The following RBM33 variants were observed in gnomAD, a reference collection of about 807,000 sequenced individuals.
RBM33 encodes the protein RNA-binding protein 33.
RBM33 carries 28 observed loss-of-function variants against 132.6 expected under a neutral mutation model. The observed-to-expected ratio is 0.21, with a 90% confidence interval of 0.16 to 0.29. The LOEUF (loss-of-function observed/expected upper bound fraction) is 0.29, where lower values mean the gene tolerates loss of function less well. RBM33 is among the 10% of genes least tolerant of loss of function. The probability of loss-of-function intolerance (pLI) is 1.00; values close to 1 mark genes in which losing one functional copy is unlikely to be tolerated. For missense variants in RBM33, 1,291 were observed against 1,518.5 expected, an observed-to-expected ratio of 0.85 and a Z score of 2.49; for synonymous variants, 634 against 593.0, an observed-to-expected ratio of 1.07 and a Z score of -1.01.
At chr7:155,645,174 T>C in intron 1 of RBM33, 1 of 401,912 alleles carries the variant, frequency 2.5e-6, no homozygotes, top group Admixed American at 4.6e-5. Context: ...GCTGCCTAAG[T>C]GTCAGGCCCA....
intron 6 of RBM33, among the ~76,000 whole-genome samples, chr7:155,704,881 A>G (rs1055016645): frequency 5.9e-5 from 9 of 152,190 alleles, no homozygotes; most frequent in Non-Finnish European, 1.0e-4. Flanking sequence ...AATGCCAGCA[A>G]TAGCTCACTG....
At chr7:155,720,457 C>T (rs10224338) in intron 9 of RBM33, among the ~76,000 whole-genome samples, 36,681 of 152,004 alleles carry the variant, frequency 0.24, 4,697 homozygotes, top group African/African-American at 0.33. Context: ...CTCTAGGCTA[C>T]CTCTCGTTGT....
chr7:155,683,996 C>T (rs965836935), intron 5 of RBM33, among the ~76,000 whole-genome samples: 3 of 152,012 alleles, frequency 2.0e-5, no homozygotes, highest in Non-Finnish European at 4.4e-5. Context: ...TCCTGCTGCC[C>T]GTGATTCATG....
At chr7:155,729,769 A>G (rs1489357428) in intron 9 of RBM33, among the ~76,000 whole-genome samples, 1 of 151,454 alleles carries the variant, frequency 6.6e-6, no homozygotes, top group Non-Finnish European at 1.5e-5. Flanking sequence ...AAATTCTGTC[A>G]TACATGTAAG....
chr7:155,649,523 T>G (rs1798297456), intron 1 of RBM33, among the ~76,000 whole-genome samples: 1 of 152,260 alleles, frequency 6.6e-6, no homozygotes, highest in Non-Finnish European at 1.5e-5. Flanking sequence ...TCATGTTAGC[T>G]TGATTTTTTC....
At chr7:155,740,317 A>G (rs1241393657) in intron 12 of RBM33, among the ~76,000 whole-genome samples, 2 of 152,246 alleles carry the variant, frequency 1.3e-5, no homozygotes, top group Non-Finnish European at 2.9e-5. Context: ...ACAGGAATTA[A>G]TAGACACGTA....
Position 155,739,824 on chromosome 7 carries a change from C to CGCCCCAGCACCA in RBM33, c.1853_1864dup (p.Gln618_Pro621dup), listed in dbSNP as rs1563169507. The CGCCCCAGCACCA allele has an allele frequency of 1.6e-6, 2 of 1,249,878 alleles. No homozygotes were observed. Among genetic ancestry groups the CGCCCCAGCACCA allele is most frequent in the Admixed American group, 2.1e-5 (1 of 48,754 alleles). The allele number at this position is 1,249,878 out of a possible 1,614,324, so 77.4% of individuals were successfully genotyped here. On this transcript the variant is annotated inframe_insertion, in exon 12 of 18. Coordinates refer to ENST00000401878, the MANE Select transcript of RBM33 (RefSeq NM_053043.3). ...CCGCACCAGCCCCCGCACCAGCCCCCGCCCCAGCACCAGCCCCCACCCCAG... is the reference window on the plus strand; with the variant it reads ...CCGCACCAGCCCCCGCACCAGCCCCCGCCCCAGCACCAGCCCCAGCACCAGCCCCCACCCCAG...
intron 9 of RBM33, among the ~76,000 whole-genome samples, chr7:155,736,865 A>G (rs1035905002): frequency 6.6e-6 from 1 of 152,234 alleles, no homozygotes; most frequent in Non-Finnish European, 1.5e-5. Flanking sequence ...AAGCTTAAAA[A>G]TAATATTCTT....
chr7:155,710,092 T>C (rs528763643), intron 7 of RBM33, among the ~76,000 whole-genome samples: 1 of 152,354 alleles, frequency 6.6e-6, no homozygotes, highest in South Asian at 2.1e-4. Flanking sequence ...TCCCTTATTA[T>C]ACGTGTTGTC....
At chr7:155,662,527 C>G (rs571702649) in intron 1 of RBM33, among the ~76,000 whole-genome samples, 21 of 152,220 alleles carry the variant, frequency 1.4e-4, no homozygotes, top group African/African-American at 1.4e-4. Context: ...CCGCCCCCCC[C>G]GCTCTGAGCC....
chr7:155,674,692 C>A (rs1443927125), intron 3 of RBM33, among the ~76,000 whole-genome samples: 1 of 152,168 alleles, frequency 6.6e-6, no homozygotes, highest in Non-Finnish European at 1.5e-5. Flanking sequence ...AGTCATCTTA[C>A]TTTTCTCAGT....
At chr7:155,705,394 T>C (rs1373814851) in intron 6 of RBM33, among the ~76,000 whole-genome samples, 1 of 152,236 alleles carries the variant, frequency 6.6e-6, no homozygotes, top group East Asian at 1.9e-4. Context: ...GAACTAATCA[T>C]GTAGTCAAGA....
At chr7:155,677,626 G>T (rs1032585421) in intron 3 of RBM33, among the ~76,000 whole-genome samples, 3 of 152,132 alleles carry the variant, frequency 2.0e-5, no homozygotes, top group Non-Finnish European at 4.4e-5. Context: ...TCTTATTGTG[G>T]TGTCAGTGAT....
chr7:155,680,989 A>C, intron 5 of RBM33, 81 bp downstream of exon 5: 2 of 1,160,216 alleles, frequency 1.7e-6, no homozygotes, highest in Non-Finnish European at 1.2e-6. Flanking sequence ...AAATCTATTT[A>C]CCTCCCCTGG....
intron 7 of RBM33, among the ~76,000 whole-genome samples, chr7:155,710,288 A>G (rs1585470508): frequency 1.3e-5 from 2 of 152,242 alleles, no homozygotes; most frequent in African/African-American, 2.4e-5. Context: ...CCTGAATTCC[A>G]GTTCCGGCTT....
At position 155,745,569 on chromosome 7, in the gene RBM33, C is replaced by T. The variant is rs1484830471; in HGVS notation, c.2946C>T (p.Ser982=). 6.2e-7 allele frequency: 1 copy of T among 1,604,572 alleles called. No individual in the cohort carries two copies. The highest frequency in any genetic ancestry group is 8.5e-7 in the Non-Finnish European group (1 of 1,174,760). Reference sequence around the variant, plus strand: ...GTGGTGGAGACGGGCCCCACATCAGCTCCAAGGTCAGGGTGATTAAGCTGT... The same window carrying T: ...GTGGTGGAGACGGGCCCCACATCAGTTCCAAGGTCAGGGTGATTAAGCTGT... The part of the protein sequence containing the change: ...NSGGGDGPHI[S]SKVRVIKLSG... Residue 982 remains serine, a synonymous_variant, in exon 14 of 18, where the codon AGC becomes AGT. Transcript: ENST00000401878. This position sits in a 1 kb window ranked among gnomAD's most constrained non-coding sequence, Gnocchi z 4.1.
intron 8 of RBM33, among the ~76,000 whole-genome samples, chr7:155,715,108 G>A (rs1800421828): frequency 6.6e-6 from 1 of 152,130 alleles, no homozygotes; most frequent in African/African-American, 2.4e-5. Context: ...CATCCTCTTA[G>A]GTGGCCCTGA....
At chr7:155,652,359 A>C (rs984543) in intron 1 of RBM33, among the ~76,000 whole-genome samples, 1 of 152,146 alleles carries the variant, frequency 6.6e-6, no homozygotes, top group African/African-American at 2.4e-5. Flanking sequence ...GCTGTGTTCC[A>C]TTAAAAGCTT....
intron 6 of RBM33, 42 bp from the exon 7 acceptor site, chr7:155,706,818 G>A (rs1241964877): frequency 1.3e-6 from 2 of 1,497,374 alleles, no homozygotes; most frequent in Non-Finnish European, 1.8e-6. Flanking sequence ...TCCAGTTTGG[G>A]CTCTCGGAAA....
Sources: gnomAD v4.1 joint callset for allele counts (sites outside exome capture counted in the v4.1 genomes callset) on GRCh38, gnomAD v4.1.1 for gene constraint, Gnocchi (gnomAD v3.1) non-coding constraint, MANE v1.5 for transcripts, NCBI Gene and HGNC (gene_info 2026-07-23, HGNC 2026-07-21) for gene names.